Variants in MACC1 observed in about 807,000 individuals in gnomAD.
MACC1 encodes MET transcriptional regulator MACC1.
In MACC1, 79 loss-of-function variants were observed where a neutral mutation model predicts 70.7. The observed-to-expected ratio is 1.12, with a 90% CI of 0.93 to 1.35. The LOEUF (loss-of-function observed/expected upper bound fraction) is 1.35. Among genes scored for constraint, MACC1 ranks in the 40% most tolerant of loss-of-function variants. MACC1 has a pLI of 0.00. For missense variants in MACC1, 1,106 were observed against 978.1 expected (o/e 1.13, Z -1.74); for synonymous variants, 361 against 347.2 (o/e 1.04, Z -0.44).
At chr7:20,206,767 T>A (rs1386890053) in intron 1 of MACC1, among the ~76,000 whole-genome samples, 1 of 152,234 alleles carries the variant, frequency 6.6e-6, no homozygotes, top group East Asian at 1.9e-4. Flanking sequence ...AACGTCAACT[T>A]ATCTGTTCTT....
Position 20,160,155 on chromosome 7 carries a change from T to C in MACC1, c.206A>G (p.Asn69Ser), listed in dbSNP as rs1196893517. The C allele has an allele frequency of 3.7e-6, 6 of 1,612,188 alleles. No individual in the cohort carries two copies. Among genetic ancestry groups the C allele is most frequent in the Non-Finnish European group, 4.2e-6 (5 of 1,179,602 alleles). ...NASKVANPFW[N>S]QLSASNPFLD... Reference sequence around the variant, plus strand: ...AAATGGGTTAGAAGCAGACAGTTGATTCCAGAATGGATTTGCAACTTTGGA... The same window carrying C: ...AAATGGGTTAGAAGCAGACAGTTGACTCCAGAATGGATTTGCAACTTTGGA... The change falls in exon 5 of 7, where the codon AAT (asparagine) becomes AGT (serine). Residue 69 changes from asparagine to serine, a missense_variant. By Grantham distance (46) the Asn-to-Ser change is conservative. Coordinates refer to ENST00000400331, the MANE Select transcript of MACC1 (RefSeq NM_182762.4).
In MACC1 at chr7:20,159,753, C is replaced by G. The variant is rs1257428041; in HGVS notation, c.608G>C (p.Gly203Ala). 11 of 1,614,106 alleles carry G rather than the reference C, an allele frequency of 6.8e-6. No individual in the cohort carries two copies. The highest frequency in any genetic ancestry group is 1.3e-5 in the African/African-American group (1 of 75,056). The change falls in exon 5 of 7, where the codon GGA becomes GCA. Residue 203 changes from glycine to alanine, a missense_variant. Transcript: ENST00000400331. ...LDLNTISQSP[G>A]WAQTQLAEVT... ...CTCCGCAAGTTGTGTCTGGGCCCAT[C>G]CAGGGCTCTGACTAATTGTATTCAA...
chr7:20,214,807 G>T (rs1337333047), intron 1 of MACC1, among the ~76,000 whole-genome samples: 1 of 152,122 alleles, frequency 6.6e-6, no homozygotes, highest in Non-Finnish European at 1.5e-5. Context: ...TATTGTTATT[G>T]ATTGATCAGT....
chr7:20,189,352 T>A lies in MACC1; in HGVS notation c.-217-18574A>T, dbSNP rs143430044. Among the ~76,000 whole-genome samples the A allele has an allele frequency of 6.5e-3, 990 of 152,338 alleles. 29 individuals are homozygous for A. The highest frequency in any genetic ancestry group is 0.052 in the Admixed American group (796 of 15,302). ...CAATTTGTTTATTTATCTGTTTTGT[T>A]CACTCTTGTATCCCCAGAGCTTAGA... is the stretch of plus-strand genomic sequence containing the variant. On this transcript the variant is annotated intron_variant, in intron 1 of 6. Transcript: ENST00000400331.
chr7:20,187,311 CAG>C (rs1409246162), intron 1 of MACC1, among the ~76,000 whole-genome samples: 2 of 152,064 alleles, frequency 1.3e-5, no homozygotes, highest in Non-Finnish European at 2.9e-5. Flanking sequence ...TAATGAAAAA[CAG>C]AGTGAAGAGG....
intron 2 of MACC1, among the ~76,000 whole-genome samples, chr7:20,166,241 C>T (rs1782216669): frequency 6.6e-6 from 1 of 152,156 alleles, no homozygotes; most frequent in Non-Finnish European, 1.5e-5. Context: ...TAGGCTATAA[C>T]TCTTATAGGT....
chr7:20,215,428 GACA>G (rs1783055046), intron 1 of MACC1, among the ~76,000 whole-genome samples: 1 of 152,136 alleles, frequency 6.6e-6, no homozygotes, highest in African/African-American at 2.4e-5. Context: ...GACGGCACTT[GACA>G]ACAACAAAAA....
intron 1 of MACC1, among the ~76,000 whole-genome samples, chr7:20,200,018 C>T (rs1782809305): frequency 6.7e-6 from 1 of 149,698 alleles, no homozygotes; most frequent in Admixed American, 6.6e-5. Flanking sequence ...AGTGGCTATA[C>T]CATTATGTGT....
chr7:20,183,164 A>C (rs1384566242), intron 1 of MACC1, among the ~76,000 whole-genome samples: 1 of 152,196 alleles, frequency 6.6e-6, no homozygotes, highest in Non-Finnish European at 1.5e-5. Context: ...AGGCCCTTTA[A>C]AAGCAGAATC....
chr7:20,159,687 A>G lies in MACC1; in HGVS notation c.674T>C (p.Val225Ala), dbSNP rs780812689. 2.5e-6 allele frequency: 4 copies of G among 1,614,038 alleles called. No homozygotes were observed. The highest frequency in any genetic ancestry group is 2.5e-6 in the Non-Finnish European group (3 of 1,180,042). Reference sequence around the variant, plus strand: ...AGTGATGTCTGATTCAGGTAATTGTACTGACCCTCCTTGATGGTTTACTTT... The same window carrying G: ...AGTGATGTCTGATTCAGGTAATTGTGCTGACCCTCCTTGATGGTTTACTTT... Reference protein sequence around the residue: ...ACKVNHQGGSVQLPESDITVH... With the variant: ...ACKVNHQGGSAQLPESDITVH... The change falls in exon 5 of 7, where the codon GTA becomes GCA. Residue 225 changes from valine to alanine, a missense_variant. Val to Ala is a moderately conservative substitution (Grantham distance 64). Coordinates refer to ENST00000400331, the MANE Select transcript of MACC1 (RefSeq NM_182762.4).
rs902692648 is a variant in MACC1 at position 20,217,371 on chromosome 7, C to T, written c.-290G>A. On this transcript the variant is annotated 5_prime_UTR_variant, in exon 1 of 7. Transcript: ENST00000400331. ...AGTGAATAGAAGTCACTCTACCAAA[C>T]CCGGGTACTCTTCAAACATGCCTTG... The T allele has an allele frequency of 4.6e-5, 7 of 152,218 alleles. No homozygotes were observed. Among genetic ancestry groups the T allele is most frequent in the Non-Finnish European group, 8.8e-5 (6 of 68,038 alleles). The allele number at this position is 152,218 out of a possible 1,614,324, so 9.4% of individuals were successfully genotyped here.
At chr7:20,176,264 A>G (rs1302274516) in intron 1 of MACC1, among the ~76,000 whole-genome samples, 1 of 152,120 alleles carries the variant, frequency 6.6e-6, no homozygotes, top group Non-Finnish European at 1.5e-5. Context: ...AAATATATAC[A>G]ATCTTCATCA....
rs1293472377 is a variant in MACC1 at position 20,158,264 on chromosome 7, C to T, written c.2097G>A (p.Lys699=). Residue 699 remains lysine (K), a synonymous_variant, in exon 5 of 7, where the codon AAG becomes AAA. Transcript: ENST00000400331. The stretch of plus-strand genomic sequence containing the variant: ...TCTCTGTGTGGCAATCTTCCTTTAA[C>T]TTCTTTATAACATAAGAAACTTTCT... ...ESEKVSYVIK[K]LKEDCHTERN... 2 of 1,607,662 alleles carry T rather than the reference C, an allele frequency of 1.2e-6. No individual in the cohort carries two copies. The highest frequency in any genetic ancestry group is 1.7e-6 in the Non-Finnish European group (2 of 1,178,464).
At position 20,139,104 on chromosome 7, in the gene MACC1, C is replaced by G. The variant is rs1344427707; in HGVS notation, c.*1842G>C. On this transcript the variant is annotated 3_prime_UTR_variant, in exon 7 of 7. Coordinates refer to ENST00000400331, the MANE Select transcript of MACC1 (RefSeq NM_182762.4). ...AATGGACATCTTTTATTCAGGTTCCCAAAACAAAATCCTTCTTTGGCTTAC... is the reference window on the plus strand; with the variant it reads ...AATGGACATCTTTTATTCAGGTTCCGAAAACAAAATCCTTCTTTGGCTTAC... 1 of 152,166 alleles carries G rather than the reference C, an allele frequency of 6.6e-6. No homozygotes were observed. The highest frequency in any genetic ancestry group is 1.9e-4 in the East Asian group (1 of 5,200). The allele number at this position is 152,166 out of a possible 1,614,324, so 9.4% of individuals were successfully genotyped here.
rs1781769601 is a variant in MACC1, at chr7:20,139,782, G to A, written c.*1164C>T. On this transcript the variant is annotated 3_prime_UTR_variant, in exon 7 of 7. Transcript: ENST00000400331. ...TGACCCAGGGTCCTATACAATTTTT[G>A]TCCTATATAATCAATTAGGCTGTGC... The A allele has an allele frequency of 1.3e-5, 2 of 150,954 alleles. 1 individual carries two copies. Among genetic ancestry groups the A allele is most frequent in the African/African-American group, 4.9e-5 (2 of 40,986 alleles). The allele number at this position is 150,954 out of a possible 1,614,324, so 9.4% of individuals were successfully genotyped here.
Position 20,161,763 on chromosome 7 carries a change from T to G in MACC1, c.100A>C (p.Ser34Arg). ...IDMEAGKLSK[S>R]CNITECQDPD... ...ATTCCCATACCTGTAATATTGCAAC[T>G]TTTTGAGAGTTTTCCAGCTTCCATG... The change falls in exon 4 of 7, where the codon AGT becomes CGT. Residue 34 changes from serine (S) to arginine (R), a missense_variant. Coordinates refer to ENST00000400331, the MANE Select transcript of MACC1 (RefSeq NM_182762.4). The G allele has an allele frequency of 6.2e-7, 1 of 1,610,110 alleles. No individual in the cohort carries two copies. The highest frequency in any genetic ancestry group is 8.5e-7 in the Non-Finnish European group (1 of 1,176,824).
intron 1 of MACC1, among the ~76,000 whole-genome samples, chr7:20,184,695 C>T (rs565849409): frequency 5.9e-5 from 9 of 152,228 alleles, no homozygotes; most frequent in African/African-American, 1.9e-4. Flanking sequence ...CTTTTGTCTG[C>T]CGAAATATTT....
rs1022275338 is a variant in MACC1, at chr7:20,140,211, A to G, written c.*735T>C. ...AAGTCTCACTTAAAATGAAACGGCAACTGTTTCCCTGTAAGTCTTAACACG... is the reference window on the plus strand; with the variant it reads ...AAGTCTCACTTAAAATGAAACGGCAGCTGTTTCCCTGTAAGTCTTAACACG... On this transcript the variant is annotated 3_prime_UTR_variant, in exon 7 of 7. Transcript: ENST00000400331. 2 of 152,138 alleles carry G rather than the reference A, an allele frequency of 1.3e-5. No homozygotes were observed. Among genetic ancestry groups the G allele is most frequent in the African/African-American group, 2.4e-5 (1 of 41,440 alleles). The allele number at this position is 152,138 out of a possible 1,614,324, so 9.4% of individuals were successfully genotyped here.
At chr7:20,183,415 G>A (rs938051230) in intron 1 of MACC1, among the ~76,000 whole-genome samples, 4 of 152,140 alleles carry the variant, frequency 2.6e-5, no homozygotes, top group Non-Finnish European at 5.9e-5. Flanking sequence ...AGGAGAATTC[G>A]GTTCAAATGA....
Sources: gnomAD v4.1 joint callset for allele counts (sites outside exome capture counted in the v4.1 genomes callset) on GRCh38, gnomAD v4.1.1 for gene constraint, MANE v1.5 for transcripts, NCBI Gene and HGNC (gene_info 2026-07-23, HGNC 2026-07-21) for gene names.